The following ESR1 variants were observed in gnomAD, a reference collection of about 807,000 sequenced individuals.
ESR1 encodes estrogen receptor.
A neutral mutation model predicts 52.7 loss-of-function variants in ESR1; 12 were observed. The observed-to-expected ratio is 0.23, with a 90% CI of 0.15 to 0.37. The LOEUF (loss-of-function observed/expected upper bound fraction) is 0.37, where lower values mean the gene tolerates loss of function less well. Among genes scored for constraint, ESR1 ranks in the 10% least tolerant of loss-of-function variants. The pLI is 1.00. For missense variants in ESR1, 584 were observed against 779.7 expected (o/e 0.75, Z 2.99); for synonymous variants, 305 against 316.8 (o/e 0.96, Z 0.39).
chr6:151,810,787 C>G (rs1778697512), intron 1 of ESR1, among the ~76,000 whole-genome samples: 1 of 152,108 alleles, frequency 6.6e-6, no homozygotes, highest in Non-Finnish European at 1.5e-5. Flanking sequence ...AAATGTATTT[C>G]TTACTGTGGA....
At position 152,044,622 on chromosome 6, in the gene ESR1, G is replaced by T. The variant is rs139932096; in HGVS notation, c.1236-16369G>T. 7.4e-3 allele frequency among the ~76,000 whole-genome samples: 1,134 copies of T among 152,324 alleles called. 16 individuals are homozygous for T. Among genetic ancestry groups the T allele is most frequent in the African/African-American group, 0.026 (1,096 of 41,570 alleles). On this transcript the variant is annotated intron_variant, in intron 5 of 7. Transcript: ENST00000206249. ...TGAGGGCCCCTGGCAAACCACTGGT[G>T]TAGGTCTAAGAGTTCAAAAGCTGAA...
At chr6:151,730,442 C>T (rs2128038975) in intron 2 of ESR1, among the ~76,000 whole-genome samples, 1 of 152,244 alleles carries the variant, frequency 6.6e-6, no homozygotes, top group East Asian at 1.9e-4. Context: ...CATCTGTCTC[C>T]ATGTGTGTCC....
At chr6:152,002,223 G>GTGTGTGTGTGT (rs1554303868) in intron 4 of ESR1, among the ~76,000 whole-genome samples, 3 of 111,170 alleles carry the variant, frequency 2.7e-5, no homozygotes, top group South Asian at 2.9e-4. Context: ...TGTGTGTGTG[G>GTGTGTGTGTGT]AATATCTCAC....
At chr6:151,769,064 C>T (rs1785294791) in intron 2 of ESR1, among the ~76,000 whole-genome samples, 1 of 152,152 alleles carries the variant, frequency 6.6e-6, no homozygotes, top group Admixed American at 6.5e-5. Context: ...ATGTGCACAC[C>T]AGTCCTGCAG....
At chr6:151,966,084 A>G (rs2038239751) in intron 4 of ESR1, among the ~76,000 whole-genome samples, 1 of 152,152 alleles carries the variant, frequency 6.6e-6, no homozygotes, top group African/African-American at 2.4e-5. Context: ...AATTTTTCAG[A>G]ATCGATATGT....
chr6:151,842,811 T>C (rs767478932), intron 2 of ESR1, 24 bp downstream of exon 2: 224 of 1,608,454 alleles, frequency 1.4e-4, no homozygotes, highest in Non-Finnish European at 1.8e-4. Context: ...GAAAACGACT[T>C]CTATTTTTGA....
At chr6:151,984,637 G>A (rs533046327) in intron 4 of ESR1, among the ~76,000 whole-genome samples, 10 of 152,162 alleles carry the variant, frequency 6.6e-5, no homozygotes, top group African/African-American at 1.4e-4. Flanking sequence ...TTATTTGTAC[G>A]TATTACTTCT....
rs1295468485 is a variant in ESR1 at position 151,929,133 on chromosome 6, A to C, written c.761-15040A>C. 4.6e-5 allele frequency among the ~76,000 whole-genome samples: 7 copies of C among 152,306 alleles called. No homozygotes were observed. The South Asian group carries it at 1.5e-3, about 32-fold the overall frequency. On this transcript the variant is annotated intron_variant, in intron 3 of 7. Coordinates refer to ENST00000206249, the MANE Select transcript of ESR1 (RefSeq NM_000125.4). ...TATTAATTTTCTGCCTGCTTGCACTAGCAATTACTGACAGCGGAATGGTGA... is the reference window on the plus strand; with the variant it reads ...TATTAATTTTCTGCCTGCTTGCACTCGCAATTACTGACAGCGGAATGGTGA...
chr6:151,841,753 C>T (rs997550806), intron 1 of ESR1, among the ~76,000 whole-genome samples: 4 of 152,008 alleles, frequency 2.6e-5, no homozygotes, highest in South Asian at 4.2e-4. Flanking sequence ...CTGATTTTCA[C>T]GCAGTCTGGA....
At chr6:151,932,278 TTG>T (rs2033742100) in intron 3 of ESR1, among the ~76,000 whole-genome samples, 1 of 151,428 alleles carries the variant, frequency 6.6e-6, no homozygotes, top group African/African-American at 2.4e-5. Context: ...TTCATGTCCT[TTG>T]CCCACTTTTT....
chr6:151,825,643 G>C (rs1308908163), intron 1 of ESR1, among the ~76,000 whole-genome samples: 3 of 152,142 alleles, frequency 2.0e-5, no homozygotes, highest in Admixed American at 6.5e-5. Context: ...CAGGTATGGT[G>C]GATCATGCCT....
At chr6:151,669,668 G>C (rs1326385251) in intron 1 of ESR1, among the ~76,000 whole-genome samples, 1 of 152,114 alleles carries the variant, frequency 6.6e-6, no homozygotes, top group Non-Finnish European at 1.5e-5. Flanking sequence ...GTAACCACTT[G>C]GTAGGGCTGT....
chr6:151,873,194 G>A (rs1791266101), intron 2 of ESR1, among the ~76,000 whole-genome samples: 1 of 152,200 alleles, frequency 6.6e-6, no homozygotes, highest in Non-Finnish European at 1.5e-5. Context: ...ATGCATAAGA[G>A]TTCAGCTTCT....
chr6:152,055,905 A>G (rs563827434), intron 5 of ESR1, among the ~76,000 whole-genome samples: 1 of 152,280 alleles, frequency 6.6e-6, no homozygotes, highest in African/African-American at 2.4e-5. Flanking sequence ...TTTAATCTAC[A>G]TGGGCTAACT....
intron 4 of ESR1, among the ~76,000 whole-genome samples, chr6:151,982,619 G>A (rs556702566): frequency 1.3e-5 from 2 of 151,448 alleles, no homozygotes; most frequent in South Asian, 4.2e-4. Context: ...TGAGTAGCTG[G>A]GACTATAGGC....
At chr6:151,918,467 A>T (rs2030854411) in intron 3 of ESR1, among the ~76,000 whole-genome samples, 1 of 152,210 alleles carries the variant, frequency 6.6e-6, no homozygotes, top group Non-Finnish European at 1.5e-5. Context: ...ACCCCAAAGG[A>T]CTATAGTGTT....
At position 151,936,359 on chromosome 6, in the gene ESR1, C is replaced by T. The variant is rs571051972; in HGVS notation, c.761-7814C>T. On this transcript the variant is annotated intron_variant, in intron 3 of 7. Coordinates refer to ENST00000206249, the MANE Select transcript of ESR1 (RefSeq NM_000125.4). ...GGGTGGTAAATTGGGCACCCTTTAT[C>T]TACTAAACGTAATCTTTACTTCCCC... is the stretch of plus-strand genomic sequence containing the variant. 2.6e-5 allele frequency: 4 copies of T among 152,280 alleles called. No homozygotes were observed. In the East Asian group the frequency reaches 7.7e-4, roughly 29 times the overall value. 9.4% of individuals were successfully genotyped at this position (152,280 alleles called of 1,614,324 possible).
upstream of ESR1, chr6:151,804,916 T>C (rs1280042351): frequency 6.6e-6 from 1 of 152,248 alleles, no homozygotes; most frequent in Non-Finnish European, 1.5e-5. Context: ...GGTGGATCCA[T>C]GTGAACGCCA....
chr6:152,033,645 C>G (rs1200487442), intron 5 of ESR1, among the ~76,000 whole-genome samples: 1 of 152,200 alleles, frequency 6.6e-6, no homozygotes, highest in Non-Finnish European at 1.5e-5. Flanking sequence ...CAGGGAAAAA[C>G]AGGTGCTGGA....
Sources: gnomAD v4.1 joint callset for allele counts (sites outside exome capture counted in the v4.1 genomes callset) on GRCh38, gnomAD v4.1.1 for gene constraint, MANE v1.5 for transcripts, NCBI Gene and HGNC (gene_info 2026-07-23, HGNC 2026-07-21) for gene names.